The following HIBADH variants were observed in gnomAD, a reference collection of about 807,000 sequenced individuals.
HIBADH encodes 3-hydroxyisobutyrate dehydrogenase, also known as 3-hydroxyisobutyrate dehydrogenase, mitochondrial.
A neutral mutation model predicts 36.1 loss-of-function variants in HIBADH; 25 were observed. The observed-to-expected ratio is 0.69, with a 90% CI of 0.50 to 0.97. The LOEUF is 0.97. Among genes scored for constraint, HIBADH ranks in the 50% least tolerant of loss-of-function variants. The pLI is 0.00. For synonymous variants in HIBADH, 160 were observed against 149.5 expected, an observed-to-expected ratio of 1.07 and a Z score of -0.51; for missense variants, 421 against 418.0, an observed-to-expected ratio of 1.01 and a Z score of -0.06.
At chr7:27,641,482 G>C (rs972842947) in intron 2 of HIBADH, among the ~76,000 whole-genome samples, 1 of 151,892 alleles carries the variant, frequency 6.6e-6, no homozygotes, top group Non-Finnish European at 1.5e-5. Context: ...CACCCTTCAG[G>C]GCACTATTGT....
At chr7:27,568,312 A>T (rs1488622828) in intron 4 of HIBADH, among the ~76,000 whole-genome samples, 1 of 152,198 alleles carries the variant, frequency 6.6e-6, no homozygotes, top group Non-Finnish European at 1.5e-5. Context: ...TGTCACATAT[A>T]AAATTCTGGT....
chr7:27,578,715 T>A (rs11764624), intron 4 of HIBADH, among the ~76,000 whole-genome samples: 1 of 152,136 alleles, frequency 6.6e-6, no homozygotes, highest in Non-Finnish European at 1.5e-5. Context: ...CACATTTTTT[T>A]TTGTTGTTAC....
chr7:27,551,007 C>T (rs935132416), intron 4 of HIBADH, among the ~76,000 whole-genome samples: 3 of 152,148 alleles, frequency 2.0e-5, no homozygotes, highest in African/African-American at 7.2e-5. Flanking sequence ...CACACACATA[C>T]ACATACACAC....
chr7:27,555,446 G>C (rs1278734574), intron 4 of HIBADH, among the ~76,000 whole-genome samples: 1 of 151,218 alleles, frequency 6.6e-6, no homozygotes, highest in Non-Finnish European at 1.5e-5. Flanking sequence ...TGAGTACAAA[G>C]ACAAGACTCA....
At chr7:27,529,722 G>C (rs1783963499) in intron 7 of HIBADH, among the ~76,000 whole-genome samples, 1 of 152,206 alleles carries the variant, frequency 6.6e-6, no homozygotes, top group South Asian at 2.1e-4. Context: ...GTAGCATCAG[G>C]GTTTGAGAGG....
At chr7:27,599,209 T>C (rs1195327388) in intron 4 of HIBADH, among the ~76,000 whole-genome samples, 1 of 152,120 alleles carries the variant, frequency 6.6e-6, no homozygotes, top group Non-Finnish European at 1.5e-5. Context: ...TTATTTTGGA[T>C]CCAAATAAAA....
intron 4 of HIBADH, among the ~76,000 whole-genome samples, chr7:27,548,530 T>A (rs1245980510): frequency 6.6e-6 from 1 of 152,154 alleles, no homozygotes; most frequent in African/African-American, 2.4e-5. Flanking sequence ...TCAGCAAATA[T>A]TTATTCAGTG....
intron 4 of HIBADH, among the ~76,000 whole-genome samples, chr7:27,551,461 T>C (rs1784318896): frequency 6.6e-6 from 1 of 152,144 alleles, no homozygotes; most frequent in Non-Finnish European, 1.5e-5. Flanking sequence ...AATTTAAACA[T>C]AACAAGTAAA....
At chr7:27,535,425 C>G (rs1784058644) in intron 6 of HIBADH, among the ~76,000 whole-genome samples, 2 of 152,132 alleles carry the variant, frequency 1.3e-5, no homozygotes, top group Admixed American at 1.3e-4. Context: ...TCCAGAAGTT[C>G]AGCTGCTTCA....
chr7:27,645,368 A>ATGTGTTTTTTTTTT (rs1554300959), intron 2 of HIBADH, among the ~76,000 whole-genome samples: 3 of 59,652 alleles, frequency 5.0e-5, no homozygotes, highest in African/African-American at 1.9e-4. Context: ...CATGGTTTTG[A>ATGTGTTTTTTTTTT]TTTTTTTTTT....
At chr7:27,640,127 C>T (rs958513726) in intron 2 of HIBADH, among the ~76,000 whole-genome samples, 1 of 152,182 alleles carries the variant, frequency 6.6e-6, no homozygotes, top group Non-Finnish European at 1.5e-5. Context: ...TTATTATTGT[C>T]ATATTCCTGG....
intron 3 of HIBADH, among the ~76,000 whole-genome samples, chr7:27,630,099 T>C (rs758927565): frequency 2.0e-5 from 3 of 152,184 alleles, no homozygotes; most frequent in Non-Finnish European, 4.4e-5. Flanking sequence ...CACAGTCTTT[T>C]TGGCTTTTTA....
chr7:27,661,453 T>C (rs372793927), intron 1 of HIBADH, among the ~76,000 whole-genome samples: 2 of 152,054 alleles, frequency 1.3e-5, no homozygotes, highest in African/African-American at 4.8e-5. Flanking sequence ...ACGGGCGTGG[T>C]GGCACATGCC....
intron 5 of HIBADH, among the ~76,000 whole-genome samples, chr7:27,542,208 C>A (rs1313212785): frequency 6.7e-6 from 1 of 150,358 alleles, no homozygotes; most frequent in African/African-American, 2.5e-5. Flanking sequence ...CAAACTGTCA[C>A]AAATCTTCAA....
intron 5 of HIBADH, among the ~76,000 whole-genome samples, chr7:27,539,720 A>G (rs1784119694): frequency 1.3e-5 from 2 of 152,144 alleles, no homozygotes; most frequent in African/African-American, 4.8e-5. Flanking sequence ...ACCCATGTAT[A>G]ACTTTTGACT....
intron 4 of HIBADH, among the ~76,000 whole-genome samples, chr7:27,612,527 T>C (rs1785338857): frequency 6.6e-6 from 1 of 151,954 alleles, no homozygotes; most frequent in African/African-American, 2.4e-5. Context: ...TTTCACCATG[T>C]TGGCCAGGCT....
intron 4 of HIBADH, among the ~76,000 whole-genome samples, chr7:27,612,490 ACTTTTTATTT>A (rs1307036512): frequency 6.6e-6 from 1 of 151,694 alleles, no homozygotes; most frequent in Non-Finnish European, 1.5e-5. Context: ...ACGCCCAGAT[ACTTTTTATTT>A]TTTAGTAGAG....
intron 4 of HIBADH, among the ~76,000 whole-genome samples, chr7:27,618,784 T>C (rs1049570675): frequency 6.6e-6 from 1 of 152,124 alleles, no homozygotes; most frequent in Non-Finnish European, 1.5e-5. Flanking sequence ...GGGAGCTTTT[T>C]CTCATAGTGG....
At chr7:27,661,930 A>T (rs1042192204) in intron 1 of HIBADH, among the ~76,000 whole-genome samples, 2 of 152,146 alleles carry the variant, frequency 1.3e-5, no homozygotes, top group Non-Finnish European at 2.9e-5. Flanking sequence ...CGTGCGGAGT[A>T]TGAAAGACTG....
Sources: allele counts gnomAD v4.1 joint callset (sites outside exome capture counted in the v4.1 genomes callset), GRCh38; gene constraint gnomAD v4.1.1; transcripts MANE v1.5; gene names NCBI Gene and HGNC (gene_info 2026-07-23, HGNC 2026-07-21).